CLEC2A: variants seen among roughly 807,000 people sequenced by gnomAD.
The protein encoded by CLEC2A is C-type lectin domain family 2 member A, also known as keratinocyte-associated C-type lectin.
A neutral mutation model predicts 18.6 loss-of-function variants in CLEC2A; 19 were observed. That is an observed-to-expected ratio of 1.02 (90% CI 0.71 to 1.50). The LOEUF (loss-of-function observed/expected upper bound fraction) is 1.50. Ranked by LOEUF, CLEC2A falls within the 40% of genes most tolerant of loss-of-function variation. The pLI, the probability that CLEC2A is intolerant of heterozygous loss-of-function variation, is 0.00. For synonymous variants in CLEC2A, 74 were observed against 64.0 expected, an observed-to-expected ratio of 1.16 and a Z score of -0.75; for missense variants, 190 against 207.9, an observed-to-expected ratio of 0.91 and a Z score of 0.53.
chr12:9,906,292 AG>A (rs1271886175), intron 4 of CLEC2A, among the ~76,000 whole-genome samples: 1 of 152,098 alleles, frequency 6.6e-6, no homozygotes, highest in Non-Finnish European at 1.5e-5. Flanking sequence ...GGACTGCAAT[AG>A]GGGGAGGAAG....
downstream of CLEC2A, chr12:9,895,663 T>C (rs1053182549): frequency 2.7e-6 from 4 of 1,494,912 alleles, no homozygotes; most frequent in Non-Finnish European, 3.5e-6. Context: ...AGATAAATGC[T>C]GAAAAATCTG....
chr12:9,878,007 C>A, the CLEC2A span, among the ~76,000 whole-genome samples: 1 of 152,068 alleles, frequency 6.6e-6, no homozygotes, highest in Non-Finnish European at 1.5e-5. Flanking sequence ...ATGCAGCAGC[C>A]TATCAGATTA....
Position 9,926,164 on chromosome 12 carries a change from CA to C in CLEC2A, c.139+95del, listed in dbSNP as rs1863268345. ...ACAAGTGTCTATAAAACCCTTTAAT[CA>C]CTCTAGATGTGGGAGATTTGGAGTT... On this transcript the variant is annotated intron_variant, in intron 2 of 4. Transcript: ENST00000455827. 7.2e-6 allele frequency: 5 copies of C among 694,608 alleles called. No individual in the cohort carries two copies. The South Asian group carries it at 1.0e-4, about 14-fold the overall frequency. The allele number at this position is 694,608 out of a possible 1,614,324, so 43.0% of individuals were successfully genotyped here.
intron 3 of CLEC2A, among the ~76,000 whole-genome samples, chr12:9,917,726 G>A (rs564432989): frequency 1.3e-5 from 2 of 152,322 alleles, no homozygotes; most frequent in South Asian, 4.1e-4. Flanking sequence ...CCAACCAATA[G>A]TGTATAAGTG....
chr12:9,888,774 C>CT, the CLEC2A span: 1 of 1,500,266 alleles, frequency 6.7e-7, no homozygotes. Flanking sequence ...CGTCAGCAGT[C>CT]TATCAGGTAA....
the CLEC2A span, among the ~76,000 whole-genome samples, chr12:9,882,473 T>C: frequency 6.6e-6 from 1 of 152,102 alleles, no homozygotes; most frequent in South Asian, 2.1e-4. Flanking sequence ...ACTAGTACCA[T>C]TGGTGTTAAA....
intron 2 of CLEC2A, among the ~76,000 whole-genome samples, chr12:9,924,776 G>A (rs571389571): frequency 3.0e-4 from 45 of 152,098 alleles, no homozygotes; most frequent in South Asian, 1.7e-3. Context: ...ATGATGCCCC[G>A]AAATATGTCA....
intron 4 of CLEC2A, among the ~76,000 whole-genome samples, chr12:9,904,409 C>G (rs145190648): frequency 1.5e-3 from 226 of 152,332 alleles, no homozygotes; most frequent in African/African-American, 5.3e-3. Context: ...TTTGTTTAGA[C>G]TGCAGATGGA....
chr12:9,926,175 T>G, intron 2 of CLEC2A, 85 bp downstream of exon 2: 1 of 793,056 alleles, frequency 1.3e-6, no homozygotes, highest in South Asian at 1.7e-5. Context: ...ACTCTAGATG[T>G]GGGAGATTTG....
At chr12:9,902,881 T>C (rs372615306) in intron 4 of CLEC2A, among the ~76,000 whole-genome samples, 3 of 152,230 alleles carry the variant, frequency 2.0e-5, no homozygotes, top group East Asian at 1.9e-4. Flanking sequence ...TTAGTCCCAG[T>C]TGGCTAAACA....
chr12:9,929,186 T>A (rs1863330338), intron 1 of CLEC2A, among the ~76,000 whole-genome samples: 1 of 152,188 alleles, frequency 6.6e-6, no homozygotes, highest in Admixed American at 6.5e-5. Context: ...TTTATTTTTA[T>A]ATAATCAAAT....
At chr12:9,902,802 T>C (rs1033100459) in intron 4 of CLEC2A, among the ~76,000 whole-genome samples, 2 of 152,128 alleles carry the variant, frequency 1.3e-5, no homozygotes, top group Non-Finnish European at 2.9e-5. Context: ...AGTAAGGGTT[T>C]TTATTCCTAA....
At chr12:9,931,142 G>A (rs772076671) in intron 1 of CLEC2A, among the ~76,000 whole-genome samples, 6 of 151,822 alleles carry the variant, frequency 4.0e-5, no homozygotes, top group African/African-American at 7.3e-5. Flanking sequence ...TTGTCTTCTC[G>A]TTATGCAATG....
downstream of CLEC2A, among the ~76,000 whole-genome samples, chr12:9,910,874 C>T (rs576954218): frequency 6.6e-6 from 1 of 152,160 alleles, no homozygotes; most frequent in Non-Finnish European, 1.5e-5. Flanking sequence ...GGGACCCTTC[C>T]CCAGAGGAGA....
downstream of CLEC2A, chr12:9,895,763 G>A (rs1038131137): frequency 3.9e-6 from 6 of 1,535,758 alleles, no homozygotes; most frequent in African/African-American, 6.8e-5. Context: ...TCTGAAGACT[G>A]TAGCTCCACA....
chr12:9,890,271 A>C, the CLEC2A span, among the ~76,000 whole-genome samples: 1 of 152,198 alleles, frequency 6.6e-6, no homozygotes, highest in Non-Finnish European at 1.5e-5. Flanking sequence ...GCAGTTTTAC[A>C]ACATATACTT....
chr12:9,890,891 G>C, the CLEC2A span, among the ~76,000 whole-genome samples: 1 of 152,130 alleles, frequency 6.6e-6, no homozygotes, highest in Non-Finnish European at 1.5e-5. Flanking sequence ...TCCTAACAAA[G>C]CTAGCAAAAA....
chr12:9,893,950 A>C (rs1862719974), downstream of CLEC2A, among the ~76,000 whole-genome samples: 1 of 152,184 alleles, frequency 6.6e-6, no homozygotes, highest in Admixed American at 6.5e-5. Flanking sequence ...TGGAGTTGAA[A>C]TCAGAAAACA....
At chr12:9,925,841 G>C (rs1283840310) in intron 2 of CLEC2A, among the ~76,000 whole-genome samples, 1 of 151,984 alleles carries the variant, frequency 6.6e-6, no homozygotes, top group Non-Finnish European at 1.5e-5. Context: ...TTGTCTAACC[G>C]ACCACCTGCT....
Sources: gnomAD v4.1 joint callset for allele counts (sites outside exome capture counted in the v4.1 genomes callset) on GRCh38, gnomAD v4.1.1 for gene constraint, MANE v1.5 for transcripts, NCBI Gene and HGNC (gene_info 2026-07-23, HGNC 2026-07-21) for gene names.